Variants in STK32C observed in about 807,000 individuals in gnomAD.
STK32C encodes the protein serine/threonine kinase 32C.
A neutral mutation model predicts 56.5 loss-of-function variants in STK32C; 31 were observed. That is an observed-to-expected ratio of 0.55 (90% CI 0.41 to 0.74). The LOEUF (loss-of-function observed/expected upper bound fraction) is 0.74, where lower values mean the gene tolerates loss of function less well. Among genes scored for constraint, STK32C ranks in the 30% least tolerant of loss-of-function variants. STK32C has a pLI of 0.00. For synonymous variants in STK32C, 309 were observed against 289.4 expected (o/e 1.07, Z -0.69); for missense variants, 544 against 676.9 (o/e 0.80, Z 2.18).
rs568970330 is a variant in STK32C at position 132,313,322 on chromosome 10, A to T, written c.301+18114T>A. Among the ~76,000 whole-genome samples the T allele has an allele frequency of 1.3e-4, 20 of 152,378 alleles. No individual in the cohort carries two copies. In the South Asian group the frequency reaches 3.9e-3, roughly 30 times the overall value. Reference sequence around the variant, plus strand: ...CACTGGCCTTGAGATGAGCAACATTAAACGCCGTGGCTGTTTACCATCCAC... The same window carrying T: ...CACTGGCCTTGAGATGAGCAACATTTAACGCCGTGGCTGTTTACCATCCAC... On this transcript the variant is annotated intron_variant, in intron 1 of 3. Coordinates refer to the STK32C transcript ENST00000368620.
chr10:132,306,322 C>T (rs2066058414), intron 1 of STK32C, among the ~76,000 whole-genome samples: 1 of 152,254 alleles, frequency 6.6e-6, no homozygotes, highest in Non-Finnish European at 1.5e-5. Context: ...TCACTCTGGG[C>T]TTTCTTTACT....
Position 132,307,485 on chromosome 10 carries a change from G to A in STK32C, c.262+87C>T. On this transcript the variant is annotated intron_variant, in intron 1 of 11. Coordinates refer to ENST00000298630, the MANE Select transcript of STK32C (RefSeq NM_173575.4). This position sits in a 1 kb window ranked among gnomAD's most constrained non-coding sequence, Gnocchi z 4.4. ...CCCGGGAAGCCGTCCCGGACACCGGGGGAACCCCTGCGGGAAAAAGCCGCC... is the reference window on the plus strand; with the variant it reads ...CCCGGGAAGCCGTCCCGGACACCGGAGGAACCCCTGCGGGAAAAAGCCGCC... 1 of 1,410,638 alleles carries A rather than the reference G, an allele frequency of 7.1e-7. No homozygotes were observed. The highest frequency in any genetic ancestry group is 9.3e-7 in the Non-Finnish European group (1 of 1,070,198). 87.4% of individuals were successfully genotyped at this position (1,410,638 alleles called of 1,614,324 possible).
chr10:132,310,097 T>A (rs2066191080), upstream of STK32C, among the ~76,000 whole-genome samples: 1 of 152,156 alleles, frequency 6.6e-6, no homozygotes, highest in East Asian at 1.9e-4. The surrounding 1 kb of genome is among the most constrained non-coding windows in gnomAD (Gnocchi z 4.6). Context: ...CCAAAGGGGC[T>A]CTTGACCTAG....
At chr10:132,220,142 G>C (rs1019077196) in intron 10 of STK32C, among the ~76,000 whole-genome samples, 4 of 152,240 alleles carry the variant, frequency 2.6e-5, no homozygotes, top group African/African-American at 9.6e-5. Context: ...ATATCATCAA[G>C]ATAAGATGGG....
intron 1 of STK32C, among the ~76,000 whole-genome samples, chr10:132,315,051 T>C (rs373801825): frequency 6.6e-6 from 1 of 152,078 alleles, no homozygotes; most frequent in South Asian, 2.1e-4. Flanking sequence ...GGAGAATCAT[T>C]CGAACCTAAG....
chr10:132,319,819 T>C (rs576705408), downstream of STK32C, among the ~76,000 whole-genome samples: 20 of 152,256 alleles, frequency 1.3e-4, no homozygotes, highest in Non-Finnish European at 1.9e-4. Flanking sequence ...GGTTTTTTTT[T>C]CCCCTTCCTT....
intron 2 of STK32C, among the ~76,000 whole-genome samples, chr10:132,242,296 A>G (rs920604746): frequency 1.3e-5 from 2 of 152,052 alleles, no homozygotes; most frequent in African/African-American, 4.8e-5. Context: ...GGCACCCAGG[A>G]CACGGGACGA....
At chr10:132,309,218 C>T (rs60973001), upstream of STK32C, among the ~76,000 whole-genome samples, 3,295 of 152,272 alleles carry the variant, frequency 0.022, 111 homozygotes, top group African/African-American at 0.073. Context: ...CCGCCCTAAC[C>T]GCCTGATGCA....
chr10:132,216,910 G>A (rs1447857508), intron 10 of STK32C, among the ~76,000 whole-genome samples: 1 of 152,256 alleles, frequency 6.6e-6, no homozygotes, highest in East Asian at 1.9e-4. Flanking sequence ...GCAGAAGTTT[G>A]TTGCAGGGGT....
intron 10 of STK32C, among the ~76,000 whole-genome samples, chr10:132,214,149 G>T (rs1590136289): frequency 1.6e-4 from 1 of 6,430 alleles, no homozygotes; most frequent in Non-Finnish European, 4.3e-4. Flanking sequence ...CAAACCACAG[G>T]ATCTAAGAAG....
chr10:132,332,067 A>AC (rs1238115912), upstream of STK32C: 3 of 173,714 alleles, frequency 1.7e-5, no homozygotes, highest in African/African-American at 3.1e-5. Context: ...CAACACGCAC[A>AC]CCCCCGCGCG....
chr10:132,229,039 G>C (rs2063000686), intron 2 of STK32C, among the ~76,000 whole-genome samples: 1 of 152,232 alleles, frequency 6.6e-6, no homozygotes, highest in South Asian at 2.1e-4. Flanking sequence ...TGAGGTGACG[G>C]GTGAGAAGCA....
chr10:132,275,415 C>G (rs1392154039), intron 1 of STK32C, among the ~76,000 whole-genome samples: 2 of 152,224 alleles, frequency 1.3e-5, no homozygotes, highest in Non-Finnish European at 2.9e-5. Context: ...GGCAGCCATC[C>G]TGGCCTTGGA....
chr10:132,303,971 G>A (rs542796843), intron 1 of STK32C, among the ~76,000 whole-genome samples: 98 of 152,244 alleles, frequency 6.4e-4, no homozygotes, highest in South Asian at 1.7e-3. Flanking sequence ...CCCTCTGCCC[G>A]GTTACCCCAC....
chr10:132,224,586 C>G, intron 7 of STK32C, 63 bp from the exon 8 acceptor site: 1 of 1,259,234 alleles, frequency 7.9e-7, no homozygotes, highest in South Asian at 1.3e-5. Flanking sequence ...AGAACAATGC[C>G]AGACACAGGT....
chr10:132,320,118 G>A (rs758894796), downstream of STK32C, among the ~76,000 whole-genome samples: 5 of 151,916 alleles, frequency 3.3e-5, no homozygotes, highest in Non-Finnish European at 7.4e-5. Flanking sequence ...CACATTGCGC[G>A]TGTGAATGAT....
In STK32C at chr10:132,237,094, C is replaced by A. The variant is rs540242693; in HGVS notation, c.318+8806G>T. ...TCCCTTGGTCTCTGGCCACAGCCTC[C>A]CGACTGTTGAGACCGGAGCTGCCAG... On this transcript the variant is annotated intron_variant, in intron 2 of 11. Transcript: ENST00000298630. 1.2e-4 allele frequency among the ~76,000 whole-genome samples: 19 copies of A among 152,322 alleles called. No individual in the cohort carries two copies. The South Asian group carries it at 3.9e-3, about 32-fold the overall frequency.
chr10:132,249,193 G>C (rs1384380422), intron 1 of STK32C: 1 of 371,760 alleles, frequency 2.7e-6, no homozygotes, highest in Non-Finnish European at 5.4e-6. Flanking sequence ...GGGCGTGTCA[G>C]GGGCGGGGCC....
intron 1 of STK32C, among the ~76,000 whole-genome samples, chr10:132,269,214 TG>T (rs1325172794): frequency 6.7e-6 from 1 of 148,356 alleles, no homozygotes; most frequent in African/African-American, 2.6e-5. Flanking sequence ...CATGTGCCTG[TG>T]GGTGCAGCTC....
Sources: gnomAD v4.1 joint callset for allele counts (sites outside exome capture counted in the v4.1 genomes callset) on GRCh38, gnomAD v4.1.1 for gene constraint, Gnocchi (gnomAD v3.1) non-coding constraint, MANE v1.5 for transcripts, NCBI Gene and HGNC (gene_info 2026-07-23, HGNC 2026-07-21) for gene names.